FBXO4: variants seen among roughly 807,000 people sequenced by gnomAD.
The protein encoded by FBXO4 is F-box protein 4.
A neutral mutation model predicts 43.7 loss-of-function variants in FBXO4; 36 were observed. The ratio of observed to expected loss-of-function variants is 0.82; its 90% CI spans 0.63 to 1.09. The LOEUF (loss-of-function observed/expected upper bound fraction) is 1.09. Among genes scored for constraint, FBXO4 ranks in the 50% least tolerant of loss-of-function variants. The pLI is 0.00. For synonymous variants in FBXO4, 180 were observed against 165.6 expected (o/e 1.09, Z -0.67); for missense variants, 435 against 474.1 (o/e 0.92, Z 0.77).
chr5:42,031,250 C>T, the FBXO4 span, among the ~76,000 whole-genome samples: 4 of 152,100 alleles, frequency 2.6e-5, no homozygotes, highest in Admixed American at 2.6e-4. Context: ...AAATGTGGCA[C>T]ATATACACCA....
the FBXO4 span, among the ~76,000 whole-genome samples, chr5:41,960,511 T>C: frequency 6.6e-6 from 1 of 152,200 alleles, no homozygotes; most frequent in African/African-American, 2.4e-5. Context: ...TTTATTGTGT[T>C]GAGGTACATT....
chr5:41,984,469 A>G, the FBXO4 span, among the ~76,000 whole-genome samples: 1 of 152,244 alleles, frequency 6.6e-6, no homozygotes, highest in East Asian at 1.9e-4. Context: ...CATGTGTTAT[A>G]TTACAGGGAC....
the FBXO4 span, among the ~76,000 whole-genome samples, chr5:41,983,068 A>C: frequency 5.9e-5 from 9 of 152,184 alleles, no homozygotes; most frequent in Non-Finnish European, 1.0e-4. Context: ...TTATGGCTGC[A>C]TAGTACTCCA....
chr5:41,960,173 G>C, the FBXO4 span, among the ~76,000 whole-genome samples: 2 of 151,868 alleles, frequency 1.3e-5, no homozygotes, highest in African/African-American at 4.8e-5. Context: ...TTTTGTTAAC[G>C]TGTAGAAATA....
At chr5:42,012,191 A>G in the FBXO4 span, among the ~76,000 whole-genome samples, 1 of 152,222 alleles carries the variant, frequency 6.6e-6, no homozygotes, top group South Asian at 2.1e-4. Context: ...CTCAAGGATT[A>G]TTCATCATGG....
the FBXO4 span, among the ~76,000 whole-genome samples, chr5:41,996,203 A>G: frequency 6.6e-6 from 1 of 152,176 alleles, no homozygotes; most frequent in South Asian, 2.1e-4. Flanking sequence ...GATCACATAT[A>G]TACCACTTCC....
the FBXO4 span, among the ~76,000 whole-genome samples, chr5:41,999,523 A>ATGTATATATG: frequency 9.1e-6 from 1 of 109,324 alleles, no homozygotes; most frequent in African/African-American, 4.5e-5. Flanking sequence ...ATATATATAT[A>ATGTATATATG]CATATATATA....
At chr5:42,024,998 G>A in the FBXO4 span, among the ~76,000 whole-genome samples, 1 of 152,042 alleles carries the variant, frequency 6.6e-6, no homozygotes, top group East Asian at 1.9e-4. Context: ...TGTGAACAGT[G>A]CCGCAACAAA....
chr5:41,930,368 T>G (rs976499214), intron 3 of FBXO4, among the ~76,000 whole-genome samples: 5 of 152,260 alleles, frequency 3.3e-5, no homozygotes, highest in Non-Finnish European at 7.3e-5. Flanking sequence ...TAATAAAATT[T>G]AGCCTTTGCT....
At chr5:41,999,490 T>TAC in the FBXO4 span, among the ~76,000 whole-genome samples, 58 of 78,474 alleles carry the variant, frequency 7.4e-4, no homozygotes, top group Middle Eastern at 6.8e-3. Flanking sequence ...CATATATATA[T>TAC]ATACATATAT....
At chr5:41,926,934 TTTG>T (rs1349899720) in intron 1 of FBXO4, 76 bp from the exon 2 acceptor site, 2 of 764,346 alleles carry the variant, frequency 2.6e-6, no homozygotes, top group Non-Finnish European at 4.3e-6. Context: ...TTGTTATTTA[TTTG>T]TTGATTATGT....
the FBXO4 span, among the ~76,000 whole-genome samples, chr5:42,013,896 C>T: frequency 6.6e-6 from 1 of 152,198 alleles, no homozygotes; most frequent in African/African-American, 2.4e-5. Flanking sequence ...TCCCACTCAG[C>T]TGCCGAGAGG....
intron 6 of FBXO4, 83 bp from the exon 7 acceptor site, chr5:41,941,109 A>G: frequency 1.0e-6 from 1 of 993,648 alleles, no homozygotes; most frequent in East Asian, 2.4e-5. Context: ...TTATCTTTTT[A>G]GTGTCTAGAA....
chr5:41,937,847 A>T (rs1751892106), intron 5 of FBXO4, among the ~76,000 whole-genome samples: 3 of 152,154 alleles, frequency 2.0e-5, no homozygotes, highest in Non-Finnish European at 4.4e-5. Flanking sequence ...GCCGTTTTTA[A>T]TGGCAATATT....
chr5:41,936,999 T>G (rs1346494179), intron 5 of FBXO4, among the ~76,000 whole-genome samples: 3 of 152,130 alleles, frequency 2.0e-5, no homozygotes, highest in Admixed American at 1.3e-4. Flanking sequence ...CAATAAAAAT[T>G]TATTTAGAAA....
chr5:42,039,394 A>T, the FBXO4 span, among the ~76,000 whole-genome samples: 166 of 151,734 alleles, frequency 1.1e-3, 1 homozygote, highest in African/African-American at 3.9e-3. Context: ...ACTCTGGACC[A>T]CCTCCCCACT....
chr5:41,961,254 G>A, the FBXO4 span, among the ~76,000 whole-genome samples: 1 of 152,034 alleles, frequency 6.6e-6, no homozygotes, highest in Non-Finnish European at 1.5e-5. Context: ...AGTCATTGCA[G>A]TGTTTGATGG....
rs560742737 is a variant in FBXO4, at chr5:41,925,594, C to G, written c.189+96C>G. Reference sequence around the variant, plus strand: ...CCCGGGGCCTGGGGAACTCTCGCGCCCCGGCCTGGGTCTGGCTCCGTCCAT... The same window carrying G: ...CCCGGGGCCTGGGGAACTCTCGCGCGCCGGCCTGGGTCTGGCTCCGTCCAT... On this transcript the variant is annotated intron_variant, in intron 1 of 6. Coordinates refer to ENST00000281623, the MANE Select transcript of FBXO4 (RefSeq NM_012176.3). The G allele has an allele frequency of 5.1e-6, 5 of 986,802 alleles. No individual in the cohort carries two copies. The African/African-American group carries it at 8.4e-5, about 17-fold the overall frequency. The allele number at this position is 986,802 out of a possible 1,614,324, so 61.1% of individuals were successfully genotyped here. A position where few individuals can be genotyped will look rare whatever the true frequency, so the allele number is the denominator to read the frequency against.
the FBXO4 span, among the ~76,000 whole-genome samples, chr5:42,008,775 T>C: frequency 1.3e-5 from 2 of 152,344 alleles, no homozygotes; most frequent in African/African-American, 4.8e-5. Flanking sequence ...TATTTGACAC[T>C]TTAGATTTCT....
Sources: gnomAD v4.1 joint callset for allele counts (sites outside exome capture counted in the v4.1 genomes callset) on GRCh38, gnomAD v4.1.1 for gene constraint, MANE v1.5 for transcripts, NCBI Gene and HGNC (gene_info 2026-07-23, HGNC 2026-07-21) for gene names.